Variants in AUTS2 observed in about 807,000 individuals in gnomAD.
AUTS2 encodes autism susceptibility gene 2 protein.
A neutral mutation model predicts 112.4 loss-of-function variants in AUTS2; 17 were observed. The observed-to-expected ratio is 0.15, with a 90% CI of 0.10 to 0.23. The LOEUF (loss-of-function observed/expected upper bound fraction) is 0.23. Ranked by LOEUF, AUTS2 falls within the 10% of genes least tolerant of loss-of-function variation. The pLI is 1.00. For synonymous variants in AUTS2, 751 were observed against 702.7 expected, an observed-to-expected ratio of 1.07 and a Z score of -1.09; for missense variants, 1,510 against 1,701.6, an observed-to-expected ratio of 0.89 and a Z score of 1.98.
chr7:70,435,735 C>T lies in AUTS2; in HGVS notation c.661-17C>T. The stretch of plus-strand genomic sequence containing the variant: ...CAGTTCTTGCACTAACCCTTATTCT[C>T]TTGTCTTCATTTTCAGTGTGACAGT... On this transcript the variant is annotated splice_polypyrimidine_tract_variant and intron_variant, in intron 4 of 18. Transcript: ENST00000342771. The T allele has an allele frequency of 1.9e-6, 3 of 1,614,012 alleles. No individual in the cohort carries two copies. Among genetic ancestry groups the T allele is most frequent in the Non-Finnish European group, 2.5e-6 (3 of 1,179,924 alleles).
chr7:70,366,229 C>G (rs1345238623), intron 4 of AUTS2, among the ~76,000 whole-genome samples: 7 of 152,156 alleles, frequency 4.6e-5, no homozygotes, highest in African/African-American at 1.7e-4. Context: ...ACCTCCTTCT[C>G]TTAGAGACAG....
intron 6 of AUTS2, among the ~76,000 whole-genome samples, chr7:70,717,364 G>T (rs1457606767): frequency 6.6e-6 from 1 of 151,986 alleles, no homozygotes; most frequent in Non-Finnish European, 1.5e-5. Flanking sequence ...AAATATTTTT[G>T]TAGAGATGGG....
intron 1 of AUTS2, among the ~76,000 whole-genome samples, chr7:69,611,276 C>T (rs1053395829): frequency 1.3e-5 from 2 of 152,006 alleles, no homozygotes; most frequent in African/African-American, 4.8e-5. Flanking sequence ...AGATGTGAGC[C>T]TAGGAGGATA....
chr7:70,722,699 T>C (rs999738335), intron 6 of AUTS2, among the ~76,000 whole-genome samples: 1 of 152,226 alleles, frequency 6.6e-6, no homozygotes, highest in Non-Finnish European at 1.5e-5. Flanking sequence ...TGGTGTCTGC[T>C]AAAACATTCT....
intron 2 of AUTS2, among the ~76,000 whole-genome samples, chr7:70,070,910 G>C (rs1287240859): frequency 6.6e-6 from 1 of 151,506 alleles, no homozygotes; most frequent in Non-Finnish European, 1.5e-5. Flanking sequence ...GAGAGAGGGA[G>C]GGAGGGAGGA....
At chr7:70,318,384 A>G (rs1038762889) in intron 4 of AUTS2, among the ~76,000 whole-genome samples, 1 of 152,134 alleles carries the variant, frequency 6.6e-6, no homozygotes. Flanking sequence ...AACAGGACCT[A>G]CCGACTAGAC....
chr7:70,284,962 G>T (rs1038990749), intron 4 of AUTS2, among the ~76,000 whole-genome samples: 53 of 152,222 alleles, frequency 3.5e-4, no homozygotes, highest in Admixed American at 9.8e-4. Context: ...CCTTTCCTCT[G>T]CATGTGCAGC....
intron 4 of AUTS2, among the ~76,000 whole-genome samples, chr7:70,362,240 C>T (rs187467310): frequency 1.1e-3 from 172 of 152,238 alleles, no homozygotes; most frequent in Middle Eastern, 3.4e-3. Context: ...AGAACCAGAC[C>T]GGCATGGGGA....
chr7:70,784,759 AAAAAAAAAAAAAAAC>A, intron 15 of AUTS2, 168 bp from the exon 16 acceptor site: 2 of 441,720 alleles, frequency 4.5e-6, no homozygotes, highest in Non-Finnish European at 8.0e-6. Context: ...AAAAAAAAAA[AAAAAAAAAAAAAAAC>A]ACACATTTTC....
intron 5 of AUTS2, among the ~76,000 whole-genome samples, chr7:70,646,855 G>A (rs1806196948): frequency 6.6e-6 from 1 of 152,226 alleles, no homozygotes. Context: ...CTCAGAGGCT[G>A]TTGAACAATC....
chr7:70,303,434 G>GCGCACACACACACACACA lies in AUTS2; in HGVS notation c.661-132317_661-132316insGCACACACACACACACAC, dbSNP rs1241517255. On this transcript the variant is annotated intron_variant, in intron 4 of 18. Coordinates refer to ENST00000342771, the MANE Select transcript of AUTS2 (RefSeq NM_015570.4). The stretch of plus-strand genomic sequence containing the variant: ...CACGCACACACACACGCGCGCGCGC[G>GCGCACACACACACACACA]CACATACACACACACACACACACAC... Among the ~76,000 whole-genome samples the GCGCACACACACACACACA allele has an allele frequency of 2.1e-3, 298 of 142,044 alleles. 1 individual carries two copies. The highest frequency in any genetic ancestry group is 5.7e-3 in the East Asian group (27 of 4,718). The allele number at this position is 142,044 out of a possible 152,430, so 93.2% of individuals were successfully genotyped here. A position where few individuals can be genotyped will look rare whatever the true frequency, so the allele number is the denominator to read the frequency against.
chr7:70,757,067 A>G lies in AUTS2; in HGVS notation c.743-5803A>G, dbSNP rs73704804. 4.4e-3 allele frequency among the ~76,000 whole-genome samples: 672 copies of G among 152,344 alleles called. 7 individuals are homozygous for G. Among genetic ancestry groups the G allele is most frequent in the African/African-American group, 0.014 (570 of 41,578 alleles). Reference sequence around the variant, plus strand: ...ATTTCCATCTCTTCCCATAGGGAGTAGTATCCTCCAATGGGAACTATCTAT... The same window carrying G: ...ATTTCCATCTCTTCCCATAGGGAGTGGTATCCTCCAATGGGAACTATCTAT... On this transcript the variant is annotated intron_variant, in intron 6 of 18. Coordinates refer to ENST00000342771, the MANE Select transcript of AUTS2 (RefSeq NM_015570.4).
rs1554336764 is a variant in AUTS2 at position 70,203,361 on chromosome 7, AAG to A, written c.660+68792_660+68793del. On this transcript the variant is annotated intron_variant, in intron 4 of 18. Transcript: ENST00000342771. ...GAGTATAATAAAAAAAAAAAAAAAA[AAG>A]AAGTTTACGGATAAAAGAATGAGAA... 1.1e-3 allele frequency among the ~76,000 whole-genome samples: 161 copies of A among 147,510 alleles called. 3 individuals are homozygous for A. Among genetic ancestry groups the A allele is most frequent in the African/African-American group, 3.7e-3 (146 of 39,586 alleles).
intron 2 of AUTS2, among the ~76,000 whole-genome samples, chr7:69,900,730 G>A (rs1584414359): frequency 2.0e-5 from 3 of 152,126 alleles, no homozygotes; most frequent in South Asian, 4.2e-4. Context: ...TATAATCCTG[G>A]TAAAACATCT....
intron 1 of AUTS2, among the ~76,000 whole-genome samples, chr7:69,885,228 T>G (rs895548215): frequency 6.6e-6 from 1 of 152,206 alleles, no homozygotes. Context: ...CATTAATATT[T>G]ATTGAGTCAC....
intron 2 of AUTS2, among the ~76,000 whole-genome samples, chr7:70,084,568 C>A (rs1803492450): frequency 6.6e-6 from 1 of 152,138 alleles, no homozygotes; most frequent in Non-Finnish European, 1.5e-5. Flanking sequence ...TTCCATTTTG[C>A]CATCCTAATA....
At chr7:70,015,979 G>C (rs1800011215) in intron 2 of AUTS2, among the ~76,000 whole-genome samples, 1 of 152,024 alleles carries the variant, frequency 6.6e-6, no homozygotes, top group Non-Finnish European at 1.5e-5. Context: ...TATGTTTCTA[G>C]TAATTGCTGC....
intron 5 of AUTS2, among the ~76,000 whole-genome samples, chr7:70,547,662 A>G (rs1800844235): frequency 6.6e-6 from 1 of 152,228 alleles, no homozygotes; most frequent in Non-Finnish European, 1.5e-5. Context: ...GCTGAATAGT[A>G]TTCCATTGTA....
intron 1 of AUTS2, among the ~76,000 whole-genome samples, chr7:69,754,772 C>T (rs937672836): frequency 1.3e-5 from 2 of 152,072 alleles, no homozygotes; most frequent in African/African-American, 4.8e-5. Flanking sequence ...CAGCAACAAG[C>T]GGAAGGTGTT....
Sources: allele counts gnomAD v4.1 joint callset (sites outside exome capture counted in the v4.1 genomes callset), GRCh38; gene constraint gnomAD v4.1.1; transcripts MANE v1.5; gene names NCBI Gene and HGNC (gene_info 2026-07-23, HGNC 2026-07-21).